Variants in ZNF479 observed in about 807,000 individuals in gnomAD.
The protein encoded by ZNF479 is zinc finger protein 479.
Under a neutral mutation model 14.7 loss-of-function variants are expected in ZNF479, and 15 were observed. The observed-to-expected ratio is 1.02, with a 90% CI of 0.68 to 1.57. ZNF479 has a LOEUF of 1.57. Among genes scored for constraint, ZNF479 ranks in the 40% most tolerant of loss-of-function variants. The pLI is 0.00. For missense variants in ZNF479, 506 were observed against 615.1 expected, an observed-to-expected ratio of 0.82 and a Z score of 1.88; for synonymous variants, 145 against 211.5, an observed-to-expected ratio of 0.69 and a Z score of 2.73.
chr7:57,118,117 G>A lies in ZNF479; in HGVS notation c.*1723C>T, dbSNP rs1785760094. On this transcript the variant is annotated 3_prime_UTR_variant, in exon 4 of 4. Transcript: ENST00000319636. ...ACAAACTGGTGTTTTCTAAGCTGGA[G>A]GTTTTGAAAAAATGTTTTTCACATT... Among the ~76,000 whole-genome samples the A allele has an allele frequency of 6.6e-6, 1 of 152,164 alleles. No homozygotes were observed. The highest frequency in any genetic ancestry group is 6.5e-5 in the Admixed American group (1 of 15,282).
chr7:57,121,728 T>A (rs1554400666), intron 3 of ZNF479, among the ~76,000 whole-genome samples: 3 of 152,110 alleles, frequency 2.0e-5, no homozygotes, highest in African/African-American at 7.2e-5. Context: ...ATAAAGATCA[T>A]GAAAGGTAGT....
rs2115849811 is a variant in ZNF479, at chr7:57,119,742, C to T, written c.*98G>A. 1 of 1,107,030 alleles carries T rather than the reference C, an allele frequency of 9.0e-7. No individual in the cohort carries two copies. The highest frequency in any genetic ancestry group is 2.8e-5 in the Admixed American group (1 of 36,122). The allele number at this position is 1,107,030 out of a possible 1,614,324, so 68.6% of individuals were successfully genotyped here. ...TCTTACATTCAATTAAGGTTTGGAACTGGTTAAAGGCTTGGCCACATTCTC... is the reference window on the plus strand; with the variant it reads ...TCTTACATTCAATTAAGGTTTGGAATTGGTTAAAGGCTTGGCCACATTCTC... On this transcript the variant is annotated 3_prime_UTR_variant, in exon 4 of 4. Transcript: ENST00000319636.
rs1786473177 is a variant in ZNF479, at chr7:57,132,388, A to G, written c.-64T>C. ...CTTGGCCTCTAGGAGCAGAGGACACAGAGCAGTGAAGAGGAGAACTGCAGC... is the reference window on the plus strand; with the variant it reads ...CTTGGCCTCTAGGAGCAGAGGACACGGAGCAGTGAAGAGGAGAACTGCAGC... On this transcript the variant is annotated 5_prime_UTR_variant, in exon 1 of 4. Transcript: ENST00000319636. 4 of 1,611,682 alleles carry G rather than the reference A, an allele frequency of 2.5e-6. No homozygotes were observed. The East Asian group carries it at 6.7e-5, about 27-fold the overall frequency.
intron 1 of ZNF479, among the ~76,000 whole-genome samples, chr7:57,138,268 T>C (rs1004538071): frequency 2.0e-5 from 3 of 152,206 alleles, no homozygotes; most frequent in African/African-American, 7.2e-5. Flanking sequence ...GGCAATGATC[T>C]GGGTCTTCTA....
At chr7:57,121,444 T>C (rs1554400615) in intron 3 of ZNF479, among the ~76,000 whole-genome samples, 2 of 152,214 alleles carry the variant, frequency 1.3e-5, no homozygotes, top group Non-Finnish European at 2.9e-5. Flanking sequence ...CCCTTCCTCA[T>C]GCCCAGTAGA....
chr7:57,129,235 C>T (rs1359761647), intron 1 of ZNF479, among the ~76,000 whole-genome samples: 3 of 152,158 alleles, frequency 2.0e-5, no homozygotes, highest in Non-Finnish European at 4.4e-5. Flanking sequence ...TCCTATGATG[C>T]AAAGGTTGAA....
intron 1 of ZNF479, among the ~76,000 whole-genome samples, chr7:57,138,902 G>T (rs1786759692): frequency 1.3e-5 from 2 of 152,276 alleles, no homozygotes; most frequent in East Asian, 3.9e-4. Context: ...CCACAGGAGG[G>T]ATGTTGACCA....
At position 57,121,106 on chromosome 7, in the gene ZNF479, G is replaced by A; in HGVS notation, c.309C>T (p.Ile103=). The A allele has an allele frequency of 6.2e-7, 1 of 1,613,712 alleles. No homozygotes were observed. The highest frequency in any genetic ancestry group is 8.5e-7 in the Non-Finnish European group (1 of 1,179,894). ...FTQDLQPEQG[I]KDSLQKVIPR... is the part of the protein sequence containing the mutation. Reference sequence around the variant, plus strand: ...GTATTACTTTTTGGAGTGAATCTTTGATGCCCTGCTCTGGCTGAAGGTCTT... The same window carrying A: ...GTATTACTTTTTGGAGTGAATCTTTAATGCCCTGCTCTGGCTGAAGGTCTT... Residue 103 remains isoleucine, a synonymous_variant, in exon 4 of 4, where the codon ATC becomes ATT. Transcript: ENST00000319636.
chr7:57,127,644 A>G (rs1288894098), intron 1 of ZNF479: 15 of 602,794 alleles, frequency 2.5e-5, no homozygotes, highest in Non-Finnish European at 2.9e-5. Context: ...AAATATAAGC[A>G]AAAGTCATCT....
In ZNF479 at chr7:57,132,008, G is replaced by A. The variant is rs182843543; in HGVS notation, c.39+278C>T. Among the ~76,000 whole-genome samples the A allele has an allele frequency of 7.4e-3, 1,132 of 152,232 alleles. 14 individuals are homozygous for A. The highest frequency in any genetic ancestry group is 0.026 in the African/African-American group (1,074 of 41,536). ...GACTTTCCTATCCCTGTACAATCTGGGTGAGATGAGGCGCTGGGAGTGCAG... is the reference window on the plus strand; with the variant it reads ...GACTTTCCTATCCCTGTACAATCTGAGTGAGATGAGGCGCTGGGAGTGCAG... On this transcript the variant is annotated intron_variant, in intron 1 of 3. Transcript: ENST00000319636.
At chr7:57,123,616 T>C in intron 3 of ZNF479, among the ~76,000 whole-genome samples, 1 of 152,052 alleles carries the variant, frequency 6.6e-6, no homozygotes. Flanking sequence ...GAAGAATCAC[T>C]TGGGGCAAGA....
At position 57,120,425 on chromosome 7, in the gene ZNF479, A is replaced by T. The variant is rs551218130; in HGVS notation, c.990T>A (p.Cys330Ter). 157 of 1,612,988 alleles carry T rather than the reference A, an allele frequency of 9.7e-5. No individual in the cohort carries two copies. The East Asian group carries it at 3.1e-3, about 32-fold the overall frequency. ...TGEKPCRCEE[C>*]GKAFSWSSNL... ...TTGAGGACCAGCTAAAGGCTTTGCC[A>T]CATTCCTCACACCTGCAGGGTTTCT... Residue 330 changes from cysteine (C) to a stop codon, truncating the protein, a stop_gained, in exon 4 of 4, where the codon TGT becomes TGA. Coordinates refer to ENST00000319636, the MANE Select transcript of ZNF479 (RefSeq NM_001370129.2). LOFTEE classifies it low-confidence loss of function (END_TRUNC).
upstream of ZNF479, among the ~76,000 whole-genome samples, chr7:57,133,470 T>C (rs1325505127): frequency 7.2e-5 from 11 of 152,138 alleles, no homozygotes. Flanking sequence ...GACTAATACA[T>C]GCGGGCAGCC....
chr7:57,125,126 C>T (rs1786102321), intron 3 of ZNF479, among the ~76,000 whole-genome samples: 1 of 151,996 alleles, frequency 6.6e-6, no homozygotes, highest in African/African-American at 2.4e-5. Context: ...AAAAGATATA[C>T]AAATGGGAAG....
chr7:57,132,074 C>T (rs1311031594), intron 1 of ZNF479, among the ~76,000 whole-genome samples: 1 of 152,132 alleles, frequency 6.6e-6, no homozygotes, highest in Non-Finnish European at 1.5e-5. Context: ...AAAGCCACTG[C>T]AGAGGAAAAA....
At position 57,118,786 on chromosome 7, in the gene ZNF479, T is replaced by C. The variant is rs1224944650; in HGVS notation, c.*1054A>G. 6.6e-6 allele frequency among the ~76,000 whole-genome samples: 1 copy of C among 152,258 alleles called. No individual in the cohort carries two copies. Among genetic ancestry groups the C allele is most frequent in the African/African-American group, 2.4e-5 (1 of 41,476 alleles). On this transcript the variant is annotated 3_prime_UTR_variant, in exon 4 of 4. Coordinates refer to ENST00000319636, the MANE Select transcript of ZNF479 (RefSeq NM_001370129.2). Reference sequence around the variant, plus strand: ...CTAGTATAAATGCTTTCCTGTACCATAAGGTGTGAGAATTTGTTAAAAGTT... The same window carrying C: ...CTAGTATAAATGCTTTCCTGTACCACAAGGTGTGAGAATTTGTTAAAAGTT...
chr7:57,121,954 A>G (rs1377791361), intron 3 of ZNF479, among the ~76,000 whole-genome samples: 22 of 152,098 alleles, frequency 1.4e-4, no homozygotes, highest in Non-Finnish European at 2.1e-4. Context: ...AAGAATACCA[A>G]CAAAACTTGC....
intron 3 of ZNF479, 55 bp downstream of exon 3, chr7:57,125,963 T>C: frequency 1.9e-6 from 3 of 1,575,692 alleles, no homozygotes; most frequent in Non-Finnish European, 2.6e-6. Flanking sequence ...ACTGGCTGCC[T>C]CCTTGATTTG....
chr7:57,127,533 G>A, intron 1 of ZNF479: 5 of 984,356 alleles, frequency 5.1e-6, no homozygotes, highest in Non-Finnish European at 6.0e-6. Context: ...TTCTAGCCTA[G>A]TAAGAATATT....
Sources: allele counts gnomAD v4.1 joint callset (sites outside exome capture counted in the v4.1 genomes callset), GRCh38; gene constraint gnomAD v4.1.1; transcripts MANE v1.5; gene names NCBI Gene and HGNC (gene_info 2026-07-23, HGNC 2026-07-21).